Variants in SEMA5B observed in about 807,000 individuals in gnomAD.
SEMA5B encodes the protein semaphorin 5B, also known as semaphorin-5B.
Under a neutral mutation model 135.0 loss-of-function variants are expected in SEMA5B, and 66 were observed. That is an observed-to-expected ratio of 0.49 (90% CI 0.40 to 0.60). The LOEUF is 0.60. SEMA5B is among the 20% of genes least tolerant of loss of function. The pLI, the probability that SEMA5B is intolerant of heterozygous loss-of-function variation, is 0.00. For synonymous variants in SEMA5B, 690 were observed against 639.5 expected (o/e 1.08, Z -1.19); for missense variants, 1,501 against 1,566.3 (o/e 0.96, Z 0.70).
At chr3:122,996,544 G>A (rs1017819638) in intron 1 of SEMA5B, among the ~76,000 whole-genome samples, 5 of 152,242 alleles carry the variant, frequency 3.3e-5, no homozygotes, top group Non-Finnish European at 5.9e-5. Flanking sequence ...AGGGACTGTG[G>A]GGCTGGGCCC....
At chr3:122,998,292 G>T (rs1249368083) in intron 1 of SEMA5B, among the ~76,000 whole-genome samples, 1 of 152,128 alleles carries the variant, frequency 6.6e-6, no homozygotes, top group Non-Finnish European at 1.5e-5. Flanking sequence ...GCCCGCAGAG[G>T]TTGGCCCTCA....
chr3:122,998,060 A>G (rs549916047), intron 1 of SEMA5B, among the ~76,000 whole-genome samples: 14 of 152,326 alleles, frequency 9.2e-5, no homozygotes, highest in South Asian at 2.1e-4. Context: ...GGCAGCTCTC[A>G]GCAGCAAGGC....
At chr3:122,984,120 G>A (rs1941622046) in intron 1 of SEMA5B, among the ~76,000 whole-genome samples, 1 of 152,164 alleles carries the variant, frequency 6.6e-6, no homozygotes, top group Non-Finnish European at 1.5e-5. Context: ...ATAATTCTCC[G>A]AGTAACCTTC....
Position 122,913,028 on chromosome 3 carries a change from G to A in SEMA5B, c.2540C>T (p.Thr847Ile), listed in dbSNP as rs372599018. 1.3e-6 allele frequency: 2 copies of A among 1,581,714 alleles called. No individual in the cohort carries two copies. Among genetic ancestry groups the A allele is most frequent in the South Asian group, 1.1e-5 (1 of 87,624 alleles). ...LVEVLLRSGS[T>I]SPHTVSGGWA... ...GCCCCCGCTCACCGTGTGCGGGGAG[G>A]TGCTCCCGCTGCGCAGGAGGACCTC... Residue 847 changes from threonine to isoleucine, a missense_variant, in exon 18 of 23, where the codon ACC becomes ATC. Physicochemically the swap from Thr to Ile is moderately conservative, Grantham distance 89 (BLOSUM62 -1). Coordinates refer to ENST00000357599, the MANE Select transcript of SEMA5B (RefSeq NM_001031702.4).
chr3:122,937,710 A>C (rs1406207681), intron 5 of SEMA5B, among the ~76,000 whole-genome samples: 1 of 152,126 alleles, frequency 6.6e-6, no homozygotes, highest in African/African-American at 2.4e-5. Flanking sequence ...GTCAACACTG[A>C]CCTGGATGAA....
intron 5 of SEMA5B, among the ~76,000 whole-genome samples, chr3:122,936,675 C>G (rs1400322636): frequency 6.6e-6 from 1 of 152,242 alleles, no homozygotes; most frequent in African/African-American, 2.4e-5. Context: ...GTCCTCTCAG[C>G]AGCCCGGGGA....
In SEMA5B at chr3:122,944,603, G is replaced by A. The variant is rs1280024008; in HGVS notation, c.329-1068C>T. ...GAGGTGGGAGGTGCAGAGATTGGGC[G>A]GTCAGTGTCCACCCTGCCTCCAAGG... On this transcript the variant is annotated intron_variant, in intron 3 of 22. Transcript: ENST00000357599. Among the ~76,000 whole-genome samples, 7 of 152,184 alleles carry A rather than the reference G, an allele frequency of 4.6e-5. No homozygotes were observed. In the South Asian group the frequency reaches 1.0e-3, roughly 23 times the overall value.
intron 1 of SEMA5B, among the ~76,000 whole-genome samples, chr3:123,022,733 CA>C (rs1407144456): frequency 2.0e-5 from 3 of 152,214 alleles, no homozygotes; most frequent in Non-Finnish European, 4.4e-5. Context: ...GTCCCCCACT[CA>C]AATCAGGACT....
At chr3:122,976,112 C>T (rs1941311461) in intron 1 of SEMA5B, 1 of 1,535,380 alleles carries the variant, frequency 6.5e-7, no homozygotes, top group Non-Finnish European at 8.7e-7. Flanking sequence ...CCTCTGCTGA[C>T]AGATGCAGCA....
intron 5 of SEMA5B, among the ~76,000 whole-genome samples, chr3:122,935,389 T>C (rs976870887): frequency 6.6e-6 from 1 of 152,198 alleles, no homozygotes; most frequent in Non-Finnish European, 1.5e-5. Context: ...TAGGAGTCTC[T>C]GAATATGGAG....
At chr3:122,974,306 CA>C (rs1190068954) in intron 1 of SEMA5B, among the ~76,000 whole-genome samples, 15 of 152,266 alleles carry the variant, frequency 9.9e-5, no homozygotes, top group African/African-American at 3.6e-4. Flanking sequence ...TGCACACACA[CA>C]GGTGAAAGAC....
intron 2 of SEMA5B, among the ~76,000 whole-genome samples, chr3:122,959,804 C>T (rs1940495269): frequency 6.6e-6 from 1 of 152,142 alleles, no homozygotes; most frequent in South Asian, 2.1e-4. Context: ...CACAGATTAG[C>T]ATTACAAATG....
chr3:122,911,287 C>T (rs779619763), intron 21 of SEMA5B: 5 of 1,436,698 alleles, frequency 3.5e-6, no homozygotes, highest in African/African-American at 2.8e-5. Context: ...ATGACTCTTC[C>T]TTGGGTACAG....
chr3:123,014,064 C>T (rs1396867288), intron 1 of SEMA5B, among the ~76,000 whole-genome samples: 2 of 152,224 alleles, frequency 1.3e-5, no homozygotes, highest in African/African-American at 2.4e-5. Context: ...CCGGGACACA[C>T]ATCTAGGGAA....
At chr3:122,977,610 T>C (rs1941376885) in intron 1 of SEMA5B, among the ~76,000 whole-genome samples, 1 of 152,208 alleles carries the variant, frequency 6.6e-6, no homozygotes, top group African/African-American at 2.4e-5. Context: ...ATTTAAATGT[T>C]AATGTCATCC....
Position 122,911,921 on chromosome 3 carries a change from G to T in SEMA5B, c.3045C>A (p.Pro1015=), listed in dbSNP as rs368184762. The change falls in exon 20 of 23, where the codon CCC becomes CCA. Residue 1015 remains proline, a splice_region_variant and synonymous_variant. Transcript: ENST00000357599. ...QSRPCPYSEI[P]VILPASSMEE... ...GCAGGTGCTGGCAGGGGTACCTACC[G>T]GGAATCTCGCTGTAGGGGCAGGGGC... 3 of 1,594,774 alleles carry T rather than the reference G, an allele frequency of 1.9e-6. No homozygotes were observed. Among genetic ancestry groups the T allele is most frequent in the Non-Finnish European group, 2.6e-6 (3 of 1,166,816 alleles).
intron 2 of SEMA5B, among the ~76,000 whole-genome samples, chr3:122,949,905 C>T (rs1939969459): frequency 6.6e-6 from 1 of 152,188 alleles, no homozygotes; most frequent in Admixed American, 6.5e-5. Context: ...CCCCACTGCT[C>T]CCCAAATTAT....
At chr3:122,996,418 A>G (rs576684709) in intron 1 of SEMA5B, among the ~76,000 whole-genome samples, 23 of 152,272 alleles carry the variant, frequency 1.5e-4, no homozygotes, top group Non-Finnish European at 2.5e-4. Context: ...CTCTCTCCCC[A>G]GCTCAGCCAA....
chr3:123,008,935 CA>C (rs1942375967), intron 1 of SEMA5B, among the ~76,000 whole-genome samples: 2 of 152,142 alleles, frequency 1.3e-5, no homozygotes, highest in Admixed American at 1.3e-4. Flanking sequence ...AAGGACAGCC[CA>C]AAGAGCAGTG....
Sources: gnomAD v4.1 joint callset for allele counts (sites outside exome capture counted in the v4.1 genomes callset) on GRCh38, gnomAD v4.1.1 for gene constraint, MANE v1.5 for transcripts, NCBI Gene and HGNC (gene_info 2026-07-23, HGNC 2026-07-21) for gene names.